UBR2: variants seen among roughly 807,000 people sequenced by gnomAD.
The protein encoded by UBR2 is E3 ubiquitin-protein ligase UBR2.
Under a neutral mutation model 247.9 loss-of-function variants are expected in UBR2, and 92 were observed. The observed-to-expected ratio is 0.37, with a 90% CI of 0.31 to 0.44. The LOEUF (loss-of-function observed/expected upper bound fraction) is 0.44, where lower values mean the gene tolerates loss of function less well. UBR2 is among the 20% of genes least tolerant of loss of function. The pLI, the probability that UBR2 is intolerant of heterozygous loss-of-function variation, is 1.00. For synonymous variants in UBR2, 672 were observed against 693.5 expected (o/e 0.97, Z 0.49); for missense variants, 1,613 against 2,112.6 (o/e 0.76, Z 4.64).
intron 4 of UBR2, among the ~76,000 whole-genome samples, 196 bp downstream of exon 4, chr6:42,594,500 A>G (rs6905436): frequency 0.024 from 3,608 of 152,294 alleles, 126 homozygotes; most frequent in African/African-American, 0.081. Context: ...GGGAAATTTC[A>G]TTTAATTCTG....
chr6:42,670,796 C>A, intron 36 of UBR2, 81 bp downstream of exon 36: 3 of 1,067,004 alleles, frequency 2.8e-6, no homozygotes, highest in Non-Finnish European at 4.1e-6. Context: ...TATGGACCTG[C>A]AGTAGTTACT....
chr6:42,677,638 G>T (rs1244593748), intron 40 of UBR2, among the ~76,000 whole-genome samples: 1 of 151,954 alleles, frequency 6.6e-6, no homozygotes, highest in African/African-American at 2.4e-5. Flanking sequence ...AATTAGCCAG[G>T]CATGGTAGCA....
chr6:42,605,811 C>T lies in UBR2; in HGVS notation c.753C>T (p.Asn251=), dbSNP rs767528462. Residue 251 remains asparagine, a synonymous_variant, in exon 6 of 47, where the codon AAC becomes AAT. Transcript: ENST00000372901. ...TTTATACTCTTCAGAAAGCTGTTAA[C>T]TGTACACAAAAAGAAGCTATTGGTT... ...QVIYTLQKAV[N]CTQKEAIGFA... 6.2e-7 allele frequency: 1 copy of T among 1,612,906 alleles called. No homozygotes were observed. The highest frequency in any genetic ancestry group is 8.5e-7 in the Non-Finnish European group (1 of 1,179,556).
At chr6:42,607,193 G>A (rs1446085741) in intron 7 of UBR2, among the ~76,000 whole-genome samples, 6 of 136,706 alleles carry the variant, frequency 4.4e-5, no homozygotes, top group Admixed American at 1.5e-4. Context: ...TTTTTTTTCC[G>A]AATAGTCTCT....
chr6:42,673,842 G>C lies in UBR2; in HGVS notation c.4138G>C (p.Ala1380Pro). 1.2e-6 allele frequency: 2 copies of C among 1,614,108 alleles called. No individual in the cohort carries two copies. The highest frequency in any genetic ancestry group is 1.7e-6 in the Non-Finnish European group (2 of 1,179,972). ...TRFAAAHWTV[A>P]SVSVVQGHFC... ...ATTTGCCGCAGCACACTGGACAGTGGCATCAGTTTCAGTGGTGCAAGGACA... is the reference window on the plus strand; with the variant it reads ...ATTTGCCGCAGCACACTGGACAGTGCCATCAGTTTCAGTGGTGCAAGGACA... Residue 1380 changes from alanine (A) to proline (P), a missense_variant, in exon 37 of 47, where the codon GCA (alanine) becomes CCA (proline). Physicochemically the swap from Ala to Pro is conservative, Grantham distance 27. Coordinates refer to ENST00000372901, the MANE Select transcript of UBR2 (RefSeq NM_001363705.2).
intron 7 of UBR2, 24 bp downstream of exon 7, chr6:42,606,675 A>G: frequency 6.4e-7 from 1 of 1,564,204 alleles, no homozygotes; most frequent in Non-Finnish European, 8.7e-7. Context: ...AAACATGCTT[A>G]TATTATTTTT....
chr6:42,632,485 CTTTT>C (rs141771056), intron 11 of UBR2, 63 bp from the exon 12 acceptor site: 12 of 1,356,756 alleles, frequency 8.8e-6, no homozygotes, highest in South Asian at 1.8e-5. Flanking sequence ...ATGTTGGTGA[CTTTT>C]TTTTTAGTCT....
In UBR2 at chr6:42,573,751, T is replaced by G. The variant is rs143511587; in HGVS notation, c.96T>G (p.Thr32=). 1 of 1,540,214 alleles carries G rather than the reference T, an allele frequency of 6.5e-7. No individual in the cohort carries two copies. Among genetic ancestry groups the G allele is most frequent in the Non-Finnish European group, 8.8e-7 (1 of 1,140,062 alleles). Residue 32 remains threonine (T), a synonymous_variant, in exon 2 of 47, where the codon ACT becomes ACG. Coordinates refer to ENST00000372901, the MANE Select transcript of UBR2 (RefSeq NM_001363705.2). ...TTTTAAAGAAATGGCTGCAAGCAAC[T>G]GACCTCACTAGAGAAGTGTACCAGC... ...EEIAGKWLQA[T]DLTREVYQHL...
chr6:42,569,857 A>T (rs2151899040), intron 1 of UBR2, among the ~76,000 whole-genome samples: 1 of 152,324 alleles, frequency 6.6e-6, no homozygotes, highest in East Asian at 1.9e-4. Flanking sequence ...CATTGTCATA[A>T]CATGTTTACT....
At chr6:42,648,724 C>T (rs1459393194) in intron 22 of UBR2, among the ~76,000 whole-genome samples, 5 of 151,960 alleles carry the variant, frequency 3.3e-5, no homozygotes, top group African/African-American at 7.3e-5. Context: ...GTTATAAAGA[C>T]AATACTTGCT....
At chr6:42,643,299 T>C (rs1407590079) in intron 18 of UBR2, among the ~76,000 whole-genome samples, 2 of 152,108 alleles carry the variant, frequency 1.3e-5, no homozygotes, top group African/African-American at 4.8e-5. Flanking sequence ...TTAGTCATTA[T>C]AGAAAAATAA....
At position 42,655,712 on chromosome 6, in the gene UBR2, A is replaced by G. The variant is rs1158288000; in HGVS notation, c.2861A>G (p.Gln954Arg). The part of the protein sequence containing the change: ...EEHVVTFTFT[Q>R]KISKPGEAPK... ...CATGTAGTAACATTTACCTTCACTC[A>G]GAAGATATCAAGTATGTATATATCT... The change falls in exon 26 of 47, where the codon CAG becomes CGG. Residue 954 changes from glutamine to arginine, a missense_variant. Physicochemically the swap from Gln to Arg is conservative, Grantham distance 43. Transcript: ENST00000372901. 2.0e-6 allele frequency: 3 copies of G among 1,537,046 alleles called. No homozygotes were observed. The highest frequency in any genetic ancestry group is 2.5e-5 in the Admixed American group (1 of 40,452).
At position 42,589,109 on chromosome 6, in the gene UBR2, C is replaced by CA. The variant is rs758868100; in HGVS notation, c.339-3041dup. On this transcript the variant is annotated intron_variant, in intron 2 of 46. Transcript: ENST00000372901. ...TCCTCCAGCCTCATAGCTGGTACTA[C>CA]AGGCACACCACTGTGCCTAGCTAAT... Among the ~76,000 whole-genome samples the CA allele has an allele frequency of 2.6e-5, 4 of 152,256 alleles. No individual in the cohort carries two copies. In the South Asian group the frequency reaches 8.3e-4, roughly 32 times the overall value.
chr6:42,645,134 G>A (rs1729321063), intron 20 of UBR2, among the ~76,000 whole-genome samples: 1 of 152,064 alleles, frequency 6.6e-6, no homozygotes, highest in South Asian at 2.1e-4. Flanking sequence ...GGGAAAGGAA[G>A]GCTCTCTCTC....
At chr6:42,571,556 A>G (rs1791140631) in intron 1 of UBR2, among the ~76,000 whole-genome samples, 1 of 151,996 alleles carries the variant, frequency 6.6e-6, no homozygotes, top group African/African-American at 2.4e-5. Context: ...AAGCCTGGTC[A>G]ACATAGTGAA....
At position 42,673,792 on chromosome 6, in the gene UBR2, A is replaced by G. The variant is rs761247709; in HGVS notation, c.4088A>G (p.Asp1363Gly). Reference protein sequence around the residue: ...PLFGPLPCRLDDCLRSLTRFA... With the variant: ...PLFGPLPCRLGDCLRSLTRFA... Reference sequence around the variant, plus strand: ...GTTAATTGCGTTGGTTTATTTTAGGATGACTGTCTTAGGTCATTGACGAGA... The same window carrying G: ...GTTAATTGCGTTGGTTTATTTTAGGGTGACTGTCTTAGGTCATTGACGAGA... The change falls in exon 37 of 47, where the codon GAT (aspartate) becomes GGT (glycine). Residue 1363 changes from aspartate (D) to glycine (G), a missense_variant and splice_region_variant. This residue lies in a region of UBR2 where 1,524 missense variants were observed against 1,967.3 expected (regional missense o/e 0.77). Coordinates refer to ENST00000372901, the MANE Select transcript of UBR2 (RefSeq NM_001363705.2). 6.2e-7 allele frequency: 1 copy of G among 1,611,768 alleles called. No homozygotes were observed. The highest frequency in any genetic ancestry group is 1.1e-5 in the South Asian group (1 of 90,762).
intron 34 of UBR2, among the ~76,000 whole-genome samples, chr6:42,666,804 A>T (rs999869069): frequency 2.0e-4 from 30 of 152,306 alleles, no homozygotes; most frequent in African/African-American, 7.0e-4. Flanking sequence ...TTTACCCCAT[A>T]GCCAGTTAGT....
rs199507142 is a variant in UBR2, at chr6:42,583,992, ATTTTTTT to A, written c.339-8143_339-8137del. ...CATCATTTCTTCCTCTCCCCATTGA[ATTTTTTT>A]TTTTTTTTTTTTTTTGATACAGAGT... On this transcript the variant is annotated intron_variant, in intron 2 of 46. Transcript: ENST00000372901. Among the ~76,000 whole-genome samples the A allele has an allele frequency of 9.1e-5, 11 of 120,598 alleles. No homozygotes were observed. In the East Asian group the frequency reaches 9.3e-4, roughly 10 times the overall value. The allele number at this position is 120,598 out of a possible 152,430, so 79.1% of individuals were successfully genotyped here. A position where few individuals can be genotyped will look rare whatever the true frequency, so the allele number is the denominator to read the frequency against.
chr6:42,621,922 G>A (rs1795013836), intron 11 of UBR2, among the ~76,000 whole-genome samples: 1 of 152,120 alleles, frequency 6.6e-6, no homozygotes, highest in Non-Finnish European at 1.5e-5. Flanking sequence ...TGAGTCTTCT[G>A]CCCTGTGAAC....
Sources: allele counts gnomAD v4.1 joint callset (sites outside exome capture counted in the v4.1 genomes callset), GRCh38; gene constraint gnomAD v4.1.1; regional missense constraint gnomAD v4.1.1; transcripts MANE v1.5; gene names NCBI Gene and HGNC (gene_info 2026-07-23, HGNC 2026-07-21).